FOXP1: variants seen among roughly 807,000 people sequenced by gnomAD.
FOXP1 encodes forkhead box P1.
In FOXP1, 15 loss-of-function variants were observed where a neutral mutation model predicts 98.2. The observed-to-expected ratio is 0.15, with a 90% CI of 0.10 to 0.24. The LOEUF is 0.24. FOXP1 is among the 10% of genes least tolerant of loss of function. FOXP1 has a pLI of 1.00. For missense variants in FOXP1, 633 were observed against 848.5 expected, an observed-to-expected ratio of 0.75 and a Z score of 3.15; for synonymous variants, 371 against 314.5, an observed-to-expected ratio of 1.18 and a Z score of -1.90.
chr3:71,540,961 T>G (rs1169967438), intron 2 of FOXP1, among the ~76,000 whole-genome samples: 2 of 152,216 alleles, frequency 1.3e-5, no homozygotes, highest in African/African-American at 4.8e-5. Context: ...GTTACAAATA[T>G]CTTGCCATTA....
chr3:71,083,546 A>C (rs2054686644), intron 7 of FOXP1, among the ~76,000 whole-genome samples: 1 of 152,140 alleles, frequency 6.6e-6, no homozygotes. Flanking sequence ...CACTCAATTG[A>C]TTCAAGGGAT....
intron 4 of FOXP1, among the ~76,000 whole-genome samples, chr3:71,303,064 A>T (rs2073984194): frequency 6.6e-6 from 1 of 152,236 alleles, no homozygotes; most frequent in Non-Finnish European, 1.5e-5. Context: ...ACTGAGTTGC[A>T]GGTAAATGTG....
At chr3:71,243,361 C>T (rs1374387801) in intron 5 of FOXP1, among the ~76,000 whole-genome samples, 2 of 152,166 alleles carry the variant, frequency 1.3e-5, no homozygotes, top group African/African-American at 2.4e-5. Context: ...AGATGATCCG[C>T]AGCCAAGAAA....
At chr3:71,171,469 T>C (rs765622797) in intron 6 of FOXP1, among the ~76,000 whole-genome samples, 28 of 152,210 alleles carry the variant, frequency 1.8e-4, no homozygotes, top group Non-Finnish European at 3.4e-4. Flanking sequence ...TTTCCTCTTG[T>C]TGTTAGTACC....
At chr3:71,512,996 T>C (rs535873631) in intron 2 of FOXP1, among the ~76,000 whole-genome samples, 39 of 152,310 alleles carry the variant, frequency 2.6e-4, no homozygotes, top group African/African-American at 8.7e-4. Context: ...CCTGAGATAC[T>C]AGTAAGGTCA....
chr3:71,001,014 T>C lies in FOXP1; in HGVS notation c.1020A>G (p.Gln340=), dbSNP rs1406101232. ...GTACAACCTGCATTTGTACTCTACA[T>C]TGGGCTGTACTTCTATCGTCCAGCG... The part of the protein sequence containing the change: ...EHALDDRSTA[Q]CRVQMQVVQQ... The change falls in exon 13 of 21, where the codon CAA becomes CAG. Residue 340 remains glutamine (Q), a synonymous_variant. Coordinates refer to ENST00000649528, the MANE Select transcript of FOXP1 (RefSeq NM_001349338.3). 6.2e-7 allele frequency: 1 copy of C among 1,613,576 alleles called. No individual in the cohort carries two copies. The highest frequency in any genetic ancestry group is 8.5e-7 in the Non-Finnish European group (1 of 1,179,674).
intron 13 of FOXP1, among the ~76,000 whole-genome samples, chr3:70,993,936 G>A (rs1164312252): frequency 2.0e-5 from 3 of 151,746 alleles, no homozygotes; most frequent in African/African-American, 7.3e-5. Flanking sequence ...GGAAGTTGCA[G>A]TGAGCCGAGA....
chr3:71,082,917 G>A (rs17008201), intron 7 of FOXP1, among the ~76,000 whole-genome samples: 4,676 of 152,200 alleles, frequency 0.031, 127 homozygotes, highest in East Asian at 0.084. Flanking sequence ...TTTAAGATAA[G>A]GAGCAAAATG....
At chr3:71,020,936 A>G (rs1355982055) in intron 11 of FOXP1, among the ~76,000 whole-genome samples, 1 of 152,204 alleles carries the variant, frequency 6.6e-6, no homozygotes, top group African/African-American at 2.4e-5. Context: ...TGCCTAAATT[A>G]TAAACTGTAT....
intron 3 of FOXP1, among the ~76,000 whole-genome samples, chr3:71,488,644 C>T (rs1184031103): frequency 6.6e-6 from 1 of 152,198 alleles, no homozygotes; most frequent in African/African-American, 2.4e-5. Context: ...AATTACATTA[C>T]TTGTATTGGG....
intron 7 of FOXP1, among the ~76,000 whole-genome samples, chr3:71,074,829 G>A (rs1436080965): frequency 6.6e-6 from 1 of 152,176 alleles, no homozygotes; most frequent in Admixed American, 6.5e-5. Context: ...GGCTGGATGT[G>A]GGAGTGGGAA....
At chr3:71,143,972 T>C (rs1466802085) in intron 6 of FOXP1, among the ~76,000 whole-genome samples, 25 of 152,212 alleles carry the variant, frequency 1.6e-4, no homozygotes, top group Admixed American at 1.6e-3. Flanking sequence ...AAAACCCATC[T>C]AACCTCTGAT....
At chr3:71,368,029 G>A (rs570196352) in intron 3 of FOXP1, among the ~76,000 whole-genome samples, 33 of 152,360 alleles carry the variant, frequency 2.2e-4, no homozygotes, top group African/African-American at 7.0e-4. Flanking sequence ...CATAAGGACT[G>A]CATGCTACAG....
chr3:71,344,066 A>G (rs1031027835), intron 4 of FOXP1, among the ~76,000 whole-genome samples: 2 of 152,240 alleles, frequency 1.3e-5, no homozygotes, highest in South Asian at 4.1e-4. Flanking sequence ...GCACTATCCC[A>G]CAGTCCTGTT....
At chr3:71,272,115 A>G (rs1260949413) in intron 5 of FOXP1, among the ~76,000 whole-genome samples, 1 of 152,216 alleles carries the variant, frequency 6.6e-6, no homozygotes, top group Non-Finnish European at 1.5e-5. Flanking sequence ...GAGTGACTTG[A>G]AGATAAGGCA....
At chr3:71,558,802 C>CT (rs35405702) in intron 2 of FOXP1, among the ~76,000 whole-genome samples, 64,290 of 117,494 alleles carry the variant, frequency 0.55, 19,041 homozygotes, top group Non-Finnish European at 0.62. Flanking sequence ...CCGATTCTCA[C>CT]TTTTTTTTTT....
chr3:70,960,274 A>C (rs2033030937), intron 20 of FOXP1, among the ~76,000 whole-genome samples: 1 of 152,210 alleles, frequency 6.6e-6, no homozygotes, highest in Admixed American at 6.5e-5. Flanking sequence ...ACAATATGAT[A>C]AGAAAGCAGA....
intron 19 of FOXP1, chr3:70,969,235 G>C (rs760476019): frequency 1.3e-5 from 2 of 151,850 alleles, no homozygotes; most frequent in African/African-American, 4.8e-5. Flanking sequence ...AAGACTCCAG[G>C]GAAAATAAGT....
chr3:71,269,127 T>A (rs2070073725), intron 5 of FOXP1, among the ~76,000 whole-genome samples: 1 of 147,632 alleles, frequency 6.8e-6, no homozygotes. Flanking sequence ...TAATGGCACA[T>A]GATGATGCAC....
Sources: gnomAD v4.1 joint callset for allele counts (sites outside exome capture counted in the v4.1 genomes callset) on GRCh38, gnomAD v4.1.1 for gene constraint, MANE v1.5 for transcripts, NCBI Gene and HGNC (gene_info 2026-07-23, HGNC 2026-07-21) for gene names.